Variants in MEF2C observed in about 807,000 individuals in gnomAD.
MEF2C encodes myocyte-specific enhancer factor 2C.
A neutral mutation model predicts 50.5 loss-of-function variants in MEF2C; 6 were observed. The observed-to-expected ratio is 0.12, with a 90% CI of 0.07 to 0.23. The LOEUF (loss-of-function observed/expected upper bound fraction) is 0.23. Among genes scored for constraint, MEF2C ranks in the 10% least tolerant of loss-of-function variants. The pLI, the probability that MEF2C is intolerant of heterozygous loss-of-function variation, is 1.00. For missense variants in MEF2C, 276 were observed against 605.0 expected, an observed-to-expected ratio of 0.46 and a Z score of 5.70; for synonymous variants, 183 against 228.0, an observed-to-expected ratio of 0.80 and a Z score of 1.78.
intron 1 of MEF2C, among the ~76,000 whole-genome samples, chr5:88,829,750 A>C (rs889204624): frequency 6.6e-6 from 1 of 152,076 alleles, no homozygotes; most frequent in African/African-American, 2.4e-5. Flanking sequence ...CAGAAAAAAC[A>C]GGGTTAGAAT....
intron 6 of MEF2C, chr5:88,733,129 C>G: frequency 1.0e-6 from 1 of 985,082 alleles, no homozygotes; most frequent in Non-Finnish European, 1.2e-6. Context: ...ATTGAGTTCC[C>G]GGGAGAGAAG....
At chr5:88,772,164 T>C (rs1782669093) in intron 3 of MEF2C, 1 of 152,210 alleles carries the variant, frequency 6.6e-6, no homozygotes, top group African/African-American at 2.4e-5. Context: ...TACCAGCTTA[T>C]CAGAAAAGCA....
chr5:88,757,571 C>A (rs1260104795), intron 4 of MEF2C, among the ~76,000 whole-genome samples: 1 of 152,126 alleles, frequency 6.6e-6, no homozygotes, highest in South Asian at 2.1e-4. Flanking sequence ...CTTTTTCAAT[C>A]ACCTGCTTCC....
At chr5:88,773,037 T>A in intron 3 of MEF2C, 1 of 509,716 alleles carries the variant, frequency 2.0e-6, no homozygotes, top group Non-Finnish European at 2.5e-6. Flanking sequence ...TCACTGGGAT[T>A]GTGGGAACAC....
At chr5:88,846,366 C>G (rs1014837804) in intron 1 of MEF2C, among the ~76,000 whole-genome samples, 1 of 152,140 alleles carries the variant, frequency 6.6e-6, no homozygotes, top group Non-Finnish European at 1.5e-5. Context: ...CCATGCCTGG[C>G]CTACTTCAAC....
chr5:88,851,688 C>T (rs748952171), intron 1 of MEF2C, among the ~76,000 whole-genome samples: 1 of 151,914 alleles, frequency 6.6e-6, no homozygotes, highest in Non-Finnish European at 1.5e-5. Context: ...AGTCGGCTAA[C>T]TTAATTAAGG....
At chr5:88,739,556 A>G (rs1765603134) in intron 6 of MEF2C, 4 of 984,640 alleles carry the variant, frequency 4.1e-6, no homozygotes, top group Non-Finnish European at 4.8e-6. Context: ...ATTGTGTATC[A>G]TAAACTTGCT....
At chr5:88,869,576 C>A (rs1437262906) in intron 1 of MEF2C, among the ~76,000 whole-genome samples, 1 of 151,256 alleles carries the variant, frequency 6.6e-6, no homozygotes, top group African/African-American at 2.4e-5. Flanking sequence ...CATATGCAGT[C>A]CCTACTTACT....
At chr5:88,768,332 A>G (rs1380997170) in intron 3 of MEF2C, among the ~76,000 whole-genome samples, 1 of 152,172 alleles carries the variant, frequency 6.6e-6, no homozygotes, top group African/African-American at 2.4e-5. Context: ...TTCCACTTCA[A>G]TGTTAATGTA....
intron 1 of MEF2C, among the ~76,000 whole-genome samples, chr5:88,898,969 T>C (rs1293855181): frequency 1.3e-5 from 2 of 152,154 alleles, no homozygotes; most frequent in African/African-American, 2.4e-5. Flanking sequence ...TAAATAAATA[T>C]ATTATCATGC....
intron 3 of MEF2C, among the ~76,000 whole-genome samples, chr5:88,770,377 C>G (rs1781852314): frequency 1.3e-5 from 2 of 152,098 alleles, no homozygotes; most frequent in Non-Finnish European, 2.9e-5. Flanking sequence ...TTTTTATTTC[C>G]TAGTTGTAAA....
At chr5:88,795,252 G>A (rs897350017) in intron 3 of MEF2C, among the ~76,000 whole-genome samples, 30 of 152,204 alleles carry the variant, frequency 2.0e-4, no homozygotes, top group African/African-American at 6.5e-4. Context: ...CCATTTTCAC[G>A]ATATAGATTC....
intron 1 of MEF2C, among the ~76,000 whole-genome samples, chr5:88,835,640 C>T (rs1175714131): frequency 6.6e-6 from 1 of 151,684 alleles, no homozygotes; most frequent in East Asian, 1.9e-4. Flanking sequence ...GGTGAAATCC[C>T]GTCTCTACTA....
At chr5:88,785,647 T>C (rs1790497514) in intron 3 of MEF2C, 1 of 152,206 alleles carries the variant, frequency 6.6e-6, no homozygotes. Context: ...TGGTTTTTAT[T>C]ATAACAGAGT....
chr5:88,725,380 T>C (rs967036564), intron 10 of MEF2C, among the ~76,000 whole-genome samples: 1 of 152,080 alleles, frequency 6.6e-6, no homozygotes, highest in Non-Finnish European at 1.5e-5. Flanking sequence ...GGATATAAAA[T>C]AGAATGGCTA....
chr5:88,736,717 T>C, intron 6 of MEF2C: 1 of 985,388 alleles, frequency 1.0e-6, no homozygotes, highest in Non-Finnish European at 1.2e-6. Context: ...TGTTCCTTTT[T>C]CATACATGAG....
chr5:88,863,824 CT>C (rs369890636), intron 1 of MEF2C, among the ~76,000 whole-genome samples: 179 of 142,594 alleles, frequency 1.3e-3, no homozygotes, highest in Admixed American at 1.1e-3. Context: ...ATTTCTTTTT[CT>C]TTTTTTTTTT....
chr5:88,783,979 T>C (rs1045107693), intron 3 of MEF2C, among the ~76,000 whole-genome samples: 2 of 152,216 alleles, frequency 1.3e-5, no homozygotes, highest in Non-Finnish European at 2.9e-5. Flanking sequence ...TTTTAAGATA[T>C]ACATACTGGA....
chr5:88,771,948 A>G (rs1387726415), intron 3 of MEF2C: 2 of 152,298 alleles, frequency 1.3e-5, no homozygotes, highest in African/African-American at 2.4e-5. Flanking sequence ...ACCTGCTCAG[A>G]GTCTGGGGCA....
Sources: gnomAD v4.1 joint callset for allele counts (sites outside exome capture counted in the v4.1 genomes callset) on GRCh38, gnomAD v4.1.1 for gene constraint, MANE v1.5 for transcripts, NCBI Gene and HGNC (gene_info 2026-07-23, HGNC 2026-07-21) for gene names.